Variants in MYO3B observed in about 807,000 individuals in gnomAD.
MYO3B encodes the protein myosin IIIB, also known as myosin-IIIb.
MYO3B carries 156 observed loss-of-function variants against 174.6 expected under a neutral mutation model. The ratio of observed to expected loss-of-function variants is 0.89; its 90% CI spans 0.78 to 1.02. The LOEUF is 1.02. MYO3B is among the 50% of genes least tolerant of loss of function. The pLI, the probability that MYO3B is intolerant of heterozygous loss-of-function variation, is 0.00. For synonymous variants in MYO3B, 563 were observed against 569.1 expected (o/e 0.99, Z 0.15); for missense variants, 1,632 against 1,639.4 (o/e 1.00, Z 0.08).
chr2:170,306,568 G>A (rs2093702053), intron 7 of MYO3B, among the ~76,000 whole-genome samples: 1 of 152,200 alleles, frequency 6.6e-6, no homozygotes, highest in Non-Finnish European at 1.5e-5. Flanking sequence ...ATCACACAGT[G>A]ACTGTTGACT....
chr2:170,272,428 C>T (rs888692136), intron 7 of MYO3B, among the ~76,000 whole-genome samples: 1 of 152,160 alleles, frequency 6.6e-6, no homozygotes, highest in Non-Finnish European at 1.5e-5. Context: ...CAATCCATTC[C>T]CCACATCAGT....
At chr2:170,279,395 G>A (rs1329181348) in intron 7 of MYO3B, among the ~76,000 whole-genome samples, 2 of 151,898 alleles carry the variant, frequency 1.3e-5, no homozygotes, top group Non-Finnish European at 2.9e-5. Flanking sequence ...GTGATGTTGA[G>A]CATTTTTTCA....
intron 32 of MYO3B, among the ~76,000 whole-genome samples, chr2:170,634,735 A>T (rs961183115): frequency 5.3e-5 from 8 of 152,254 alleles, no homozygotes; most frequent in Non-Finnish European, 2.9e-5. Flanking sequence ...CAAAGGGCTG[A>T]AATCCAGAAT....
intron 9 of MYO3B, among the ~76,000 whole-genome samples, chr2:170,378,604 A>G (rs919785368): frequency 6.6e-6 from 1 of 152,208 alleles, no homozygotes; most frequent in African/African-American, 2.4e-5. Context: ...CTTGGAAGTT[A>G]TATCTGTGAG....
intron 22 of MYO3B, among the ~76,000 whole-genome samples, chr2:170,437,987 C>G (rs35421181): frequency 0.23 from 35,607 of 152,096 alleles, 5,040 homozygotes; most frequent in Non-Finnish European, 0.31. Flanking sequence ...GTATACAATA[C>G]AGTATCAAAT....
At position 170,443,981 on chromosome 2, in the gene MYO3B, A is replaced by T. The variant is rs1180675291; in HGVS notation, c.2665A>T (p.Thr889Ser). The part of the protein sequence containing the change: ...PLTKTGNLAQ[T>S]RARITVASSS... The stretch of plus-strand genomic sequence containing the variant: ...CTCTTTCTCAGGTAATTTGGCCCAG[A>T]CAAGAGCTAGGATAACAGTGGCCTC... The change falls in exon 23 of 35, where the codon ACA (threonine) becomes TCA (serine). Residue 889 changes from threonine to serine, a missense_variant. Physicochemically the swap from Thr to Ser is moderately conservative, Grantham distance 58. Coordinates refer to ENST00000408978, the MANE Select transcript of MYO3B (RefSeq NM_138995.5). The T allele has an allele frequency of 1.8e-5, 29 of 1,611,552 alleles. No homozygotes were observed. The highest frequency in any genetic ancestry group is 2.4e-5 in the Non-Finnish European group (28 of 1,178,208).
intron 32 of MYO3B, among the ~76,000 whole-genome samples, chr2:170,638,016 GA>G (rs952868912): frequency 3.8e-4 from 58 of 151,908 alleles, no homozygotes; most frequent in African/African-American, 1.3e-3. Flanking sequence ...TTAAATGCAA[GA>G]AAAAAATTAT....
At chr2:170,432,566 TA>T (rs994678688) in intron 22 of MYO3B, among the ~76,000 whole-genome samples, 4 of 150,708 alleles carry the variant, frequency 2.7e-5, no homozygotes, top group South Asian at 2.1e-4. Context: ...ATTTATTATT[TA>T]AAAAAAAAGA....
intron 7 of MYO3B, among the ~76,000 whole-genome samples, chr2:170,313,584 G>A (rs1408355368): frequency 6.6e-6 from 1 of 152,128 alleles, no homozygotes; most frequent in African/African-American, 2.4e-5. Context: ...ATTCAGATAT[G>A]CAGCCAGCCA....
intron 32 of MYO3B, among the ~76,000 whole-genome samples, chr2:170,550,305 A>G (rs990345083): frequency 1.3e-5 from 2 of 152,234 alleles, no homozygotes; most frequent in Non-Finnish European, 2.9e-5. Flanking sequence ...AAACACCTCA[A>G]ATGAAGGGAT....
chr2:170,582,400 A>G (rs943984689), intron 32 of MYO3B, among the ~76,000 whole-genome samples: 1 of 152,218 alleles, frequency 6.6e-6, no homozygotes, highest in African/African-American at 2.4e-5. Flanking sequence ...TTTGCAGGGA[A>G]GATGACCTCA....
intron 7 of MYO3B, among the ~76,000 whole-genome samples, chr2:170,314,290 G>A (rs1237533848): frequency 1.3e-5 from 2 of 152,144 alleles, no homozygotes; most frequent in African/African-American, 4.8e-5. Flanking sequence ...TCATGTATAT[G>A]TTCAACCAAC....
chr2:170,326,387 T>C (rs2093867869), intron 7 of MYO3B, among the ~76,000 whole-genome samples: 1 of 152,216 alleles, frequency 6.6e-6, no homozygotes, highest in Non-Finnish European at 1.5e-5. Flanking sequence ...TGGTTTCCAC[T>C]CTATATGTGA....
intron 7 of MYO3B, among the ~76,000 whole-genome samples, chr2:170,266,986 C>G (rs112919789): frequency 2.0e-5 from 3 of 152,306 alleles, no homozygotes; most frequent in African/African-American, 7.2e-5. Flanking sequence ...AAACAAACCC[C>G]ACTATCTGAT....
rs1441788386 is a variant in MYO3B, at chr2:170,217,334, T to A, written c.542T>A (p.Leu181His). The change falls in exon 6 of 35, where the codon CTC becomes CAC. Residue 181 changes from leucine to histidine, a missense_variant. Physicochemically the swap from Leu to His is moderately conservative, Grantham distance 99 (BLOSUM62 -3). Coordinates refer to ENST00000408978, the MANE Select transcript of MYO3B (RefSeq NM_138995.5). ...TTCCTTATAGGTGTTTCAGCTCAACTCACCAGTACACGTCTGCGGAGAAAC... is the reference window on the plus strand; with the variant it reads ...TTCCTTATAGGTGTTTCAGCTCAACACACCAGTACACGTCTGCGGAGAAAC... ...KLVDFGVSAQ[L>H]TSTRLRRNTS... 6.2e-7 allele frequency: 1 copy of A among 1,613,966 alleles called. No homozygotes were observed. The highest frequency in any genetic ancestry group is 1.3e-5 in the African/African-American group (1 of 74,934).
chr2:170,413,845 C>G (rs985195673), intron 22 of MYO3B, among the ~76,000 whole-genome samples: 3 of 151,928 alleles, frequency 2.0e-5, no homozygotes, highest in Admixed American at 6.6e-5. Context: ...CAAGACCATC[C>G]TAGCTAACAT....
chr2:170,295,783 T>C (rs915474594), intron 7 of MYO3B, among the ~76,000 whole-genome samples: 5 of 152,236 alleles, frequency 3.3e-5, no homozygotes, highest in African/African-American at 1.2e-4. Flanking sequence ...CTTTATTTCT[T>C]CTTTATTATA....
chr2:170,362,791 GT>G lies in MYO3B; in HGVS notation c.816-6429del, dbSNP rs1158920805. ...CAGACTTCAGGAAAACTGAAATGCA[GT>G]TAAATATTCCACCAAACAGGGGGGT... On this transcript the variant is annotated intron_variant, in intron 8 of 34. Coordinates refer to ENST00000408978, the MANE Select transcript of MYO3B (RefSeq NM_138995.5). Among the ~76,000 whole-genome samples, 4 of 152,174 alleles carry G rather than the reference GT, an allele frequency of 2.6e-5. No individual in the cohort carries two copies. The South Asian group carries it at 8.3e-4, about 31-fold the overall frequency.
chr2:170,381,956 C>T, intron 9 of MYO3B, 60 bp from the exon 10 acceptor site: 1 of 1,405,558 alleles, frequency 7.1e-7, no homozygotes, highest in Admixed American at 1.7e-5. Context: ...ATGCTTGCTG[C>T]CCGCTTTCTG....
Sources: allele counts gnomAD v4.1 joint callset (sites outside exome capture counted in the v4.1 genomes callset), GRCh38; gene constraint gnomAD v4.1.1; transcripts MANE v1.5; gene names NCBI Gene and HGNC (gene_info 2026-07-23, HGNC 2026-07-21).